STON2: variants seen among roughly 807,000 people sequenced by gnomAD.
STON2 encodes the protein stonin-2.
Under a neutral mutation model 65.7 loss-of-function variants are expected in STON2, and 29 were observed. The observed-to-expected ratio is 0.44, with a 90% CI of 0.33 to 0.60. The LOEUF is 0.60. Ranked by LOEUF, STON2 falls within the 20% of genes least tolerant of loss-of-function variation. The pLI is 0.03. For synonymous variants in STON2, 404 were observed against 414.2 expected (o/e 0.98, Z 0.30); for missense variants, 1,054 against 1,118.1 (o/e 0.94, Z 0.82).
At chr14:81,344,450 T>C (rs1380060547) in intron 4 of STON2, among the ~76,000 whole-genome samples, 6 of 152,210 alleles carry the variant, frequency 3.9e-5, no homozygotes, top group African/African-American at 1.4e-4. Context: ...GATTACACAT[T>C]CTATTCTGTA....
In STON2 at chr14:81,412,763, T is replaced by TA. The variant is rs573978929; in HGVS notation, c.-198-14184dup. On this transcript the variant is annotated intron_variant, in intron 2 of 8. Transcript: ENST00000553821. ...TGTAATTTAACAGAATTTTTTAAAT[T>TA]AAAAAAAAATGACCACGCGCAAAGC... 9.4e-5 allele frequency among the ~76,000 whole-genome samples: 13 copies of TA among 138,302 alleles called. 1 individual carries two copies. The highest frequency in any genetic ancestry group is 1.7e-4 in the Non-Finnish European group (11 of 66,402). 90.7% of individuals were successfully genotyped at this position (138,302 alleles called of 152,430 possible).
At chr14:81,366,492 G>T (rs999184946) in intron 4 of STON2, among the ~76,000 whole-genome samples, 17 of 152,126 alleles carry the variant, frequency 1.1e-4, no homozygotes, top group African/African-American at 3.9e-4. Flanking sequence ...CAGCTCAGCT[G>T]AGGGAGCTCC....
At chr14:81,288,394 T>A (rs975584545) in intron 5 of STON2, among the ~76,000 whole-genome samples, 3 of 152,218 alleles carry the variant, frequency 2.0e-5, no homozygotes, top group Non-Finnish European at 4.4e-5. Flanking sequence ...TAACCTACTA[T>A]ACTCCGAGGC....
At chr14:81,305,992 C>G (rs1254592684) in intron 5 of STON2, among the ~76,000 whole-genome samples, 6 of 151,956 alleles carry the variant, frequency 3.9e-5, no homozygotes, top group African/African-American at 1.4e-4. Flanking sequence ...GCCAGCGACC[C>G]AAGAGCTGAT....
rs1045807936 is a variant in STON2, at chr14:81,279,799, C to T, written c.743-1060G>A. ...AGCACTAAGTGGATGCTTAGTGAAA[C>T]TAAGTTGCAACAGATGCTCTGAAAA... is the stretch of plus-strand genomic sequence containing the variant. On this transcript the variant is annotated intron_variant, in intron 5 of 7. Transcript: ENST00000614646. 2.6e-5 allele frequency among the ~76,000 whole-genome samples: 4 copies of T among 151,822 alleles called. No individual in the cohort carries two copies. In the East Asian group the frequency reaches 7.7e-4, roughly 29 times the overall value.
chr14:81,382,043 C>T (rs1167176705), intron 3 of STON2, among the ~76,000 whole-genome samples: 1 of 152,014 alleles, frequency 6.6e-6, no homozygotes, highest in Non-Finnish European at 1.5e-5. Context: ...CACAGTGAAA[C>T]CCCATCTCTA....
At chr14:81,404,417 T>C (rs987311852), upstream of STON2, among the ~76,000 whole-genome samples, 39 of 152,260 alleles carry the variant, frequency 2.6e-4, no homozygotes, top group Admixed American at 1.5e-3. Context: ...TAAAACATAC[T>C]GTTAAAATTA....
intron 2 of STON2, among the ~76,000 whole-genome samples, chr14:81,421,361 T>C (rs1901696023): frequency 6.6e-6 from 1 of 152,208 alleles, no homozygotes; most frequent in African/African-American, 2.4e-5. Context: ...CAGTAGGCCA[T>C]GCCAAGAAGG....
chr14:81,303,059 G>GGGGTGT (rs1555397332), intron 5 of STON2, among the ~76,000 whole-genome samples: 7 of 96,952 alleles, frequency 7.2e-5, no homozygotes, highest in African/African-American at 1.6e-4. Context: ...ATGTGTGGGG[G>GGGGTGT]GTGTGTGTGT....
intron 4 of STON2, among the ~76,000 whole-genome samples, chr14:81,347,932 A>G (rs1897880602): frequency 6.6e-6 from 1 of 151,184 alleles, no homozygotes; most frequent in Non-Finnish European, 1.5e-5. Flanking sequence ...AAAGATAATA[A>G]AGTAGGAGTA....
intron 4 of STON2, among the ~76,000 whole-genome samples, chr14:81,349,647 C>T (rs917736105): frequency 2.6e-5 from 4 of 151,924 alleles, no homozygotes; most frequent in African/African-American, 9.7e-5. Context: ...ATTAGTACAG[C>T]CATTATAGAA....
In STON2 at chr14:81,277,498, G is replaced by A; in HGVS notation, c.1984C>T (p.Leu662=). 1 of 1,614,156 alleles carries A rather than the reference G, an allele frequency of 6.2e-7. No homozygotes were observed. The stretch of plus-strand genomic sequence containing the variant: ...AGGCGGCACTCTGCGAGCCCAGACA[G>A]GAAACTCAGGATGTGGATCCGTGTC... ...VLTRIHILSF[L]SGLAECRLGL... is the part of the protein sequence containing the mutation. Residue 662 remains leucine (L), a synonymous_variant, in exon 6 of 8, where the codon CTG becomes TTG. Coordinates refer to ENST00000614646, the MANE Select transcript of STON2 (RefSeq NM_001394390.1).
chr14:81,335,004 ATTT>A (rs199804587), intron 4 of STON2, among the ~76,000 whole-genome samples: 7 of 112,648 alleles, frequency 6.2e-5, no homozygotes, highest in African/African-American at 2.3e-4. Context: ...CGCCTGGCTA[ATTT>A]TTTTTTTGTA....
rs528462865 is a variant in STON2, at chr14:81,283,236, T to G, written c.743-4497A>C. Among the ~76,000 whole-genome samples the G allele has an allele frequency of 9.2e-5, 14 of 152,294 alleles. No individual in the cohort carries two copies. In the East Asian group the frequency reaches 2.7e-3, roughly 29 times the overall value. The stretch of plus-strand genomic sequence containing the variant: ...CAAGCTCCTAAAAGATTAAATTAAA[T>G]AAAGTGATTTCAGTAGTAGTCAAAG... On this transcript the variant is annotated intron_variant, in intron 5 of 7. Coordinates refer to ENST00000614646, the MANE Select transcript of STON2 (RefSeq NM_001394390.1).
At chr14:81,406,831 C>T (rs1344352193) in intron 2 of STON2, among the ~76,000 whole-genome samples, 1 of 152,170 alleles carries the variant, frequency 6.6e-6, no homozygotes, top group African/African-American at 2.4e-5. Context: ...CTAAACTGGC[C>T]AACGGTTCTC....
chr14:81,303,751 G>A (rs1896062384), intron 5 of STON2, among the ~76,000 whole-genome samples: 1 of 152,176 alleles, frequency 6.6e-6, no homozygotes, highest in Non-Finnish European at 1.5e-5. Context: ...CAGTTTATAT[G>A]TGAGGAAAAT....
chr14:81,358,926 C>A (rs1898371975), intron 4 of STON2, among the ~76,000 whole-genome samples: 1 of 152,100 alleles, frequency 6.6e-6, no homozygotes, highest in East Asian at 1.9e-4. Flanking sequence ...AGACATATTG[C>A]AATACAATAA....
At chr14:81,359,947 C>T (rs1224546106) in intron 4 of STON2, among the ~76,000 whole-genome samples, 9 of 152,146 alleles carry the variant, frequency 5.9e-5, no homozygotes, top group South Asian at 2.1e-4. Context: ...TGCCATTAGC[C>T]AGGTGTGGTT....
At position 81,421,115 on chromosome 14, in the gene STON2, A is replaced by G. The variant is rs139914749; in HGVS notation, c.-199+5987T>C. Among the ~76,000 whole-genome samples the G allele has an allele frequency of 7.2e-5, 11 of 152,310 alleles. No individual in the cohort carries two copies. The East Asian group carries it at 2.1e-3, about 29-fold the overall frequency. On this transcript the variant is annotated intron_variant, in intron 2 of 8. Transcript: ENST00000553821. ...GGCAGGGATGGGATGAAGCACTGAG[A>G]CGGTATGAGGATGTCTTTTTGTTAC...
Sources: allele counts gnomAD v4.1 joint callset (sites outside exome capture counted in the v4.1 genomes callset), GRCh38; gene constraint gnomAD v4.1.1; transcripts MANE v1.5; gene names NCBI Gene and HGNC (gene_info 2026-07-23, HGNC 2026-07-21).